Variants in SCUBE1 observed in about 807,000 individuals in gnomAD.
SCUBE1 encodes the protein signal peptide, CUB domain and EGF like domain containing 1.
In SCUBE1, 59 loss-of-function variants were observed where a neutral mutation model predicts 124.4. The observed-to-expected ratio is 0.47, with a 90% CI of 0.38 to 0.59. SCUBE1 has a LOEUF of 0.59. SCUBE1 is among the 20% of genes least tolerant of loss of function. The pLI is 0.00. For synonymous variants in SCUBE1, 545 were observed against 550.9 expected (o/e 0.99, Z 0.15); for missense variants, 1,150 against 1,371.2 (o/e 0.84, Z 2.55).
intron 3 of SCUBE1, among the ~76,000 whole-genome samples, chr22:43,308,206 C>T (rs557490840): frequency 1.2e-4 from 18 of 152,336 alleles, no homozygotes; most frequent in African/African-American, 4.3e-4. Flanking sequence ...CAAATAATTT[C>T]TTTCAGATTA....
intron 2 of SCUBE1, among the ~76,000 whole-genome samples, chr22:43,320,419 C>T (rs189684990): frequency 3.9e-5 from 6 of 152,332 alleles, no homozygotes; most frequent in African/African-American, 7.2e-5. Flanking sequence ...CTAACTCCTC[C>T]AGTGTCTTTC....
At chr22:43,300,176 G>A (rs1925716445) in intron 3 of SCUBE1, among the ~76,000 whole-genome samples, 1 of 152,118 alleles carries the variant, frequency 6.6e-6, no homozygotes, top group South Asian at 2.1e-4. Flanking sequence ...GTAACTCCAT[G>A]TGTGCCCTTT....
rs1043580648 is a variant in SCUBE1, at chr22:43,343,367, C to A, written c.-106G>T. The stretch of plus-strand genomic sequence containing the variant: ...CGCTGCTCGCCGCTCCGCCACCGCT[C>A]GGGCTCCCGAGCCGCCCAGCCAGCC... On this transcript the variant is annotated 5_prime_UTR_variant, in exon 1 of 22. Coordinates refer to ENST00000360835, the MANE Select transcript of SCUBE1 (RefSeq NM_173050.5). The A allele has an allele frequency of 8.7e-6, 4 of 461,744 alleles. No homozygotes were observed. The highest frequency in any genetic ancestry group is 2.1e-5 in the African/African-American group (1 of 47,030). The allele number at this position is 461,744 out of a possible 1,614,324, so 28.6% of individuals were successfully genotyped here.
chr22:43,283,340 C>T (rs2146742236), intron 4 of SCUBE1: 1 of 152,332 alleles, frequency 6.6e-6, no homozygotes, highest in South Asian at 2.1e-4. Context: ...CACTGTTTGC[C>T]TCTGTGAGCT....
chr22:43,256,481 A>C (rs60512419), intron 6 of SCUBE1, among the ~76,000 whole-genome samples: 18,104 of 152,108 alleles, frequency 0.12, 1,933 homozygotes, highest in East Asian at 0.48. Flanking sequence ...CTCTTCCTGG[A>C]CAGGAGTAGA....
rs986198312 is a variant in SCUBE1, at chr22:43,210,763, C to T, written c.2383+159G>A. 1.3e-5 allele frequency among the ~76,000 whole-genome samples: 2 copies of T among 152,226 alleles called. No individual in the cohort carries two copies. Among genetic ancestry groups the T allele is most frequent in the African/African-American group, 4.8e-5 (2 of 41,464 alleles). ...GGGCTGCCCCTTTGGTGCCACAGGCCTCCAGATGGATGCAATGCACCCGAG... is the reference window on the plus strand; with the variant it reads ...GGGCTGCCCCTTTGGTGCCACAGGCTTCCAGATGGATGCAATGCACCCGAG... On this transcript the variant is annotated intron_variant, in intron 18 of 21. Coordinates refer to ENST00000360835, the MANE Select transcript of SCUBE1 (RefSeq NM_173050.5). The surrounding 1 kb of genome is among the most constrained non-coding windows in gnomAD (Gnocchi z 4.5).
At chr22:43,248,972 G>C (rs184429864) in intron 6 of SCUBE1, among the ~76,000 whole-genome samples, 3 of 152,218 alleles carry the variant, frequency 2.0e-5, no homozygotes, top group South Asian at 4.1e-4. Flanking sequence ...TGCCCTGAGG[G>C]GGGGCACCAA....
intron 3 of SCUBE1, among the ~76,000 whole-genome samples, chr22:43,293,639 C>T (rs1454090940): frequency 2.0e-5 from 3 of 152,258 alleles, no homozygotes; most frequent in Non-Finnish European, 2.9e-5. Flanking sequence ...CTGTAGAGAA[C>T]TGTGCTGGCA....
At chr22:43,334,487 T>C (rs562492957) in intron 2 of SCUBE1, among the ~76,000 whole-genome samples, 62 of 152,320 alleles carry the variant, frequency 4.1e-4, no homozygotes, top group African/African-American at 1.4e-3. Flanking sequence ...ACTGTGATCA[T>C]TGACATCAAC....
At chr22:43,277,328 A>G (rs1924568235) in intron 4 of SCUBE1, among the ~76,000 whole-genome samples, 2 of 152,128 alleles carry the variant, frequency 1.3e-5, no homozygotes, top group Non-Finnish European at 2.9e-5. Context: ...GGGGAATGAC[A>G]GAGCCAGAGG....
chr22:43,270,981 A>T (rs1422699754), intron 4 of SCUBE1, among the ~76,000 whole-genome samples: 1 of 152,126 alleles, frequency 6.6e-6, no homozygotes, highest in East Asian at 1.9e-4. Context: ...GCCCTGGGTG[A>T]GGGGCAGCCT....
chr22:43,237,926 C>A, intron 7 of SCUBE1: 1 of 152,460 alleles, frequency 6.6e-6, no homozygotes, highest in Non-Finnish European at 1.5e-5. Context: ...CTGAGCACTG[C>A]CCCTCACCCT....
intron 4 of SCUBE1, among the ~76,000 whole-genome samples, chr22:43,276,247 T>G (rs1924511745): frequency 6.6e-6 from 1 of 152,120 alleles, no homozygotes. Context: ...AAGTGGCCAC[T>G]GCTGGTCAGC....
intron 3 of SCUBE1, among the ~76,000 whole-genome samples, chr22:43,309,212 C>T (rs1217674478): frequency 6.6e-6 from 1 of 152,026 alleles, no homozygotes; most frequent in African/African-American, 2.4e-5. Context: ...AGCTCATTCG[C>T]ATCTGTTGAG....
intron 3 of SCUBE1, among the ~76,000 whole-genome samples, chr22:43,319,553 C>CATCTCA (rs1926468971): frequency 1.3e-5 from 1 of 76,568 alleles, no homozygotes; most frequent in Non-Finnish European, 2.1e-5. Context: ...AGCAAGACTC[C>CATCTCA]ATCTCAAAAA....
At chr22:43,222,529 G>A (rs914824281) in intron 12 of SCUBE1, 109 bp downstream of exon 12, 1 of 838,274 alleles carries the variant, frequency 1.2e-6, no homozygotes, top group Non-Finnish European at 1.9e-6. Context: ...GCAGGGCCGA[G>A]AGCAGGAAGG....
At chr22:43,237,115 G>A (rs981968083) in intron 7 of SCUBE1, among the ~76,000 whole-genome samples, 1 of 145,452 alleles carries the variant, frequency 6.9e-6, no homozygotes. Flanking sequence ...GGTGGGGGGG[G>A]TTGGGGGGTT....
chr22:43,302,585 G>A (rs573552316), intron 3 of SCUBE1, among the ~76,000 whole-genome samples: 19 of 152,306 alleles, frequency 1.2e-4, no homozygotes, highest in African/African-American at 4.3e-4. Flanking sequence ...TTTTGTAAAT[G>A]GGAGCTCCAA....
At chr22:43,232,909 CA>C (rs1204838934) in intron 7 of SCUBE1, among the ~76,000 whole-genome samples, 1 of 152,230 alleles carries the variant, frequency 6.6e-6, no homozygotes, top group Non-Finnish European at 1.5e-5. Flanking sequence ...TCCCTGTCCC[CA>C]AGGGGCCTCT....
Sources: gnomAD v4.1 joint callset for allele counts (sites outside exome capture counted in the v4.1 genomes callset) on GRCh38, gnomAD v4.1.1 for gene constraint, Gnocchi (gnomAD v3.1) non-coding constraint, MANE v1.5 for transcripts, NCBI Gene and HGNC (gene_info 2026-07-23, HGNC 2026-07-21) for gene names.